Variants in HPSE2 observed in about 807,000 individuals in gnomAD.
HPSE2 encodes the protein heparanase 2 (inactive).
In HPSE2, 38 loss-of-function variants were observed where a neutral mutation model predicts 60.5. The ratio of observed to expected loss-of-function variants is 0.63; its 90% CI spans 0.48 to 0.82. The LOEUF (loss-of-function observed/expected upper bound fraction) is 0.82, where lower values mean the gene tolerates loss of function less well. HPSE2 is among the 40% of genes least tolerant of loss of function. HPSE2 has a pLI of 0.00. For synonymous variants in HPSE2, 295 were observed against 293.2 expected (o/e 1.01, Z -0.06); for missense variants, 713 against 740.4 (o/e 0.96, Z 0.43).
intron 3 of HPSE2, among the ~76,000 whole-genome samples, chr10:99,115,398 C>A (rs1298438369): frequency 6.6e-6 from 1 of 152,054 alleles, no homozygotes; most frequent in Non-Finnish European, 1.5e-5. Flanking sequence ...TCGTGATCCG[C>A]CCGCCTTGGC....
chr10:98,507,510 G>T (rs1206167764), intron 9 of HPSE2, among the ~76,000 whole-genome samples: 1 of 152,058 alleles, frequency 6.6e-6, no homozygotes, highest in Non-Finnish European at 1.5e-5. Flanking sequence ...GGAGGGTTTT[G>T]GTTTTTAAGT....
intron 3 of HPSE2, among the ~76,000 whole-genome samples, chr10:99,014,163 G>C (rs1957080836): frequency 6.6e-6 from 1 of 152,194 alleles, no homozygotes; most frequent in African/African-American, 2.4e-5. Context: ...ACACTCACCT[G>C]GCTCGTGGAC....
At chr10:99,084,942 T>G (rs1348162373) in intron 3 of HPSE2, among the ~76,000 whole-genome samples, 2 of 152,236 alleles carry the variant, frequency 1.3e-5, no homozygotes, top group Non-Finnish European at 2.9e-5. Flanking sequence ...TAAATTTACA[T>G]ACGTCACACC....
chr10:98,748,829 C>T (rs1949687719), intron 3 of HPSE2, among the ~76,000 whole-genome samples: 1 of 151,858 alleles, frequency 6.6e-6, no homozygotes, highest in Non-Finnish European at 1.5e-5. Flanking sequence ...CAAGGAGGTG[C>T]TGTTCCATAA....
intron 3 of HPSE2, among the ~76,000 whole-genome samples, chr10:99,098,532 A>G (rs1028310064): frequency 2.0e-5 from 3 of 152,206 alleles, no homozygotes; most frequent in Non-Finnish European, 4.4e-5. Context: ...GATATAATAA[A>G]CCCTAGATGA....
At position 98,932,354 on chromosome 10, in the gene HPSE2, T is replaced by G. The variant is rs1484460140; in HGVS notation, c.611-188298A>C. The stretch of plus-strand genomic sequence containing the variant: ...ATGGTGGATAAACTTTTTGATGTGT[T>G]GCTGGATTTTGTTTGCCAGTATTTT... On this transcript the variant is annotated intron_variant, in intron 3 of 11. Coordinates refer to ENST00000370552, the MANE Select transcript of HPSE2 (RefSeq NM_021828.5). 1.4e-5 allele frequency among the ~76,000 whole-genome samples: 2 copies of G among 144,272 alleles called. 1 individual carries two copies. The highest frequency in any genetic ancestry group is 5.6e-5 in the African/African-American group (2 of 35,558). 94.6% of individuals were successfully genotyped at this position (144,272 alleles called of 152,430 possible). A position where few individuals can be genotyped will look rare whatever the true frequency, so the allele number is the denominator to read the frequency against.
At chr10:99,101,897 C>T (rs905128303) in intron 3 of HPSE2, among the ~76,000 whole-genome samples, 4 of 152,200 alleles carry the variant, frequency 2.6e-5, no homozygotes, top group African/African-American at 4.8e-5. Context: ...GGGTACATAA[C>T]GAAAAGAAGG....
At position 98,826,137 on chromosome 10, in the gene HPSE2, C is replaced by T. The variant is rs114997788; in HGVS notation, c.611-82081G>A. On this transcript the variant is annotated intron_variant, in intron 3 of 11. Transcript: ENST00000370552. ...TTTTATTTCCCCACTAAAATGTATG[C>T]TCCAAAGAATGCAAAGACTTTGTCT... is the stretch of plus-strand genomic sequence containing the variant. Among the ~76,000 whole-genome samples the T allele has an allele frequency of 5.9e-3, 891 of 152,306 alleles. 5 individuals are homozygous for T. The highest frequency in any genetic ancestry group is 0.02 in the African/African-American group (842 of 41,576).
At chr10:98,593,244 G>T (rs1945138640) in intron 9 of HPSE2, among the ~76,000 whole-genome samples, 1 of 152,172 alleles carries the variant, frequency 6.6e-6, no homozygotes, top group Admixed American at 6.5e-5. Flanking sequence ...AGACATCAGG[G>T]AATATGGAAA....
chr10:99,149,687 T>C (rs796560818), intron 2 of HPSE2, among the ~76,000 whole-genome samples: 3 of 152,320 alleles, frequency 2.0e-5, no homozygotes, highest in South Asian at 4.1e-4. Context: ...GATAGTATTA[T>C]TCTTTTAGGT....
the HPSE2 span, among the ~76,000 whole-genome samples, chr10:99,300,356 G>A: frequency 1.6e-4 from 24 of 152,188 alleles, no homozygotes; most frequent in Non-Finnish European, 2.4e-4. Context: ...GAAGAACCTC[G>A]GGTAACTCCT....
At chr10:98,946,666 A>T (rs1001778126) in intron 3 of HPSE2, among the ~76,000 whole-genome samples, 3 of 152,068 alleles carry the variant, frequency 2.0e-5, no homozygotes, top group Non-Finnish European at 4.4e-5. Context: ...AGACATTGTT[A>T]AAAAAAGTAT....
chr10:98,574,281 G>A (rs116921895), intron 9 of HPSE2, among the ~76,000 whole-genome samples: 11 of 152,004 alleles, frequency 7.2e-5, no homozygotes, highest in Non-Finnish European at 1.3e-4. Context: ...ATTAAAAAAC[G>A]TAGATCTACA....
intron 3 of HPSE2, among the ~76,000 whole-genome samples, chr10:98,867,685 C>T (rs1037856366): frequency 2.6e-5 from 4 of 152,194 alleles, no homozygotes; most frequent in African/African-American, 9.6e-5. Flanking sequence ...AAAGAGTTAT[C>T]TGCACTCCCA....
intron 2 of HPSE2, among the ~76,000 whole-genome samples, chr10:99,166,974 ACTTT>A (rs1030112257): frequency 2.6e-5 from 4 of 151,400 alleles, no homozygotes; most frequent in Non-Finnish European, 4.4e-5. Context: ...TATGGATCAT[ACTTT>A]CTTTTTTTCT....
At chr10:98,495,592 A>G (rs1941809080) in intron 9 of HPSE2, among the ~76,000 whole-genome samples, 1 of 151,908 alleles carries the variant, frequency 6.6e-6, no homozygotes, top group Non-Finnish European at 1.5e-5. Context: ...TCTGTTCCTC[A>G]GACTAGATAA....
At chr10:99,090,191 G>A (rs982332028) in intron 3 of HPSE2, among the ~76,000 whole-genome samples, 1 of 152,028 alleles carries the variant, frequency 6.6e-6, no homozygotes, top group African/African-American at 2.4e-5. Flanking sequence ...GCTCTGGCTA[G>A]TACTCAGTAT....
intron 6 of HPSE2, among the ~76,000 whole-genome samples, chr10:98,690,323 G>A (rs575251375): frequency 1.2e-4 from 19 of 152,088 alleles, no homozygotes; most frequent in Non-Finnish European, 2.1e-4. Flanking sequence ...GGTGGATCAC[G>A]AGGTCAGGAG....
intron 2 of HPSE2, among the ~76,000 whole-genome samples, chr10:99,157,546 C>A: frequency 7.8e-6 from 1 of 128,124 alleles, no homozygotes; most frequent in East Asian, 2.4e-4. Flanking sequence ...ACTGGCTAGC[C>A]ATATGTAGAA....
Sources: gnomAD v4.1 joint callset for allele counts (sites outside exome capture counted in the v4.1 genomes callset) on GRCh38, gnomAD v4.1.1 for gene constraint, MANE v1.5 for transcripts, NCBI Gene and HGNC (gene_info 2026-07-23, HGNC 2026-07-21) for gene names.